PCDHGB3: variants seen among roughly 807,000 people sequenced by gnomAD.
PCDHGB3 encodes protocadherin gamma subfamily B, 3, also known as protocadherin gamma-B3.
PCDHGB3 carries 40 observed loss-of-function variants against 59.2 expected under a neutral mutation model. The ratio of observed to expected loss-of-function variants is 0.68; its 90% CI spans 0.52 to 0.88. The LOEUF (loss-of-function observed/expected upper bound fraction) is 0.88. PCDHGB3 is among the 40% of genes least tolerant of loss of function. The pLI, the probability that PCDHGB3 is intolerant of heterozygous loss-of-function variation, is 0.00. For missense variants in PCDHGB3, 1,309 were observed against 1,187.9 expected (o/e 1.10, Z -1.50); for synonymous variants, 581 against 503.6 (o/e 1.15, Z -2.06).
intron 1 of PCDHGB3, chr5:141,400,321 G>T (rs190006023): frequency 1.9e-6 from 3 of 1,614,064 alleles, no homozygotes; most frequent in East Asian, 2.2e-5. Context: ...TGTCAAGTCT[G>T]GACCTGTGGT....
Position 141,418,145 on chromosome 5 carries a change from T to C in PCDHGB3, c.2415+45336T>C, listed in dbSNP as rs1329322927. On this transcript the variant is annotated intron_variant, in intron 1 of 3. Coordinates refer to ENST00000576222, the MANE Select transcript of PCDHGB3 (RefSeq NM_018924.5). ...GGACCGAATAGACCGTGAGCAAATATGCAAAGAGAGAAGAAGATGTGAGTT... is the reference window on the plus strand; with the variant it reads ...GGACCGAATAGACCGTGAGCAAATACGCAAAGAGAGAAGAAGATGTGAGTT... The C allele has an allele frequency of 5.6e-6, 9 of 1,613,934 alleles. No homozygotes were observed. In the African/African-American group the frequency reaches 8.0e-5, roughly 14 times the overall value.
At chr5:141,401,079 C>T (rs1245954946) in intron 1 of PCDHGB3, among the ~76,000 whole-genome samples, 16 of 152,196 alleles carry the variant, frequency 1.1e-4, no homozygotes, top group Admixed American at 1.0e-3. Flanking sequence ...TGCAGTGGCT[C>T]ATGCCTGTAA....
At chr5:141,435,800 A>G (rs530461064) in intron 1 of PCDHGB3, among the ~76,000 whole-genome samples, 20 of 152,128 alleles carry the variant, frequency 1.3e-4, no homozygotes, top group Non-Finnish European at 2.6e-4. Flanking sequence ...ATAACGTCCC[A>G]ATTATTTTTT....
At chr5:141,465,047 T>C (rs2099095978) in intron 1 of PCDHGB3, among the ~76,000 whole-genome samples, 1 of 152,088 alleles carries the variant, frequency 6.6e-6, no homozygotes, top group Non-Finnish European at 1.5e-5. Context: ...TGACCCTATA[T>C]ATTTTTTTGA....
intron 2 of PCDHGB3, among the ~76,000 whole-genome samples, chr5:141,498,967 G>A (rs896386012): frequency 1.5e-5 from 2 of 129,584 alleles, no homozygotes. Context: ...GAGGGAGGGA[G>A]GGAGGGAAGG....
In PCDHGB3 at chr5:141,370,545, G is replaced by T. The variant is rs768607566; in HGVS notation, c.151G>T (p.Ala51Ser). The change falls in exon 1 of 4, where the codon GCC becomes TCC. Residue 51 changes from alanine (A) to serine (S), a missense_variant. Coordinates refer to ENST00000576222, the MANE Select transcript of PCDHGB3 (RefSeq NM_018924.5). ...LDRGSLVGNL[A>S]KDLGFGVGDL... ...CAGGGGCTCGCTGGTAGGGAACCTCGCCAAGGACCTGGGGTTTGGCGTGGG... is the reference window on the plus strand; with the variant it reads ...CAGGGGCTCGCTGGTAGGGAACCTCTCCAAGGACCTGGGGTTTGGCGTGGG... 6.2e-7 allele frequency: 1 copy of T among 1,613,866 alleles called. No homozygotes were observed. Among genetic ancestry groups the T allele is most frequent in the Non-Finnish European group, 8.5e-7 (1 of 1,179,876 alleles).
chr5:141,434,106 T>C (rs1195019110), intron 1 of PCDHGB3, among the ~76,000 whole-genome samples: 1 of 152,236 alleles, frequency 6.6e-6, no homozygotes, highest in Non-Finnish European at 1.5e-5. Context: ...TGTCCCAGGA[T>C]TGGCCTTTGG....
chr5:141,437,956 T>A (rs998689841), intron 1 of PCDHGB3, among the ~76,000 whole-genome samples: 6 of 152,178 alleles, frequency 3.9e-5, no homozygotes, highest in African/African-American at 1.4e-4. Context: ...CAGAATGGTC[T>A]TGATCTCTTG....
intron 1 of PCDHGB3, chr5:141,394,390 G>C (rs758609540): frequency 1.2e-6 from 2 of 1,614,100 alleles, no homozygotes; most frequent in Non-Finnish European, 1.7e-6. Context: ...GAGCAGATCC[G>C]AGACCTGCAG....
rs3763123 is a variant in PCDHGB3 at position 141,385,542 on chromosome 5, A to C, written c.2415+12733A>C. On this transcript the variant is annotated intron_variant, in intron 1 of 3. Coordinates refer to ENST00000576222, the MANE Select transcript of PCDHGB3 (RefSeq NM_018924.5). Reference sequence around the variant, plus strand: ...TATGGACAAGATTATGAATATGTGGACTATCACATTTTATAATTTCCACCT... The same window carrying C: ...TATGGACAAGATTATGAATATGTGGCCTATCACATTTTATAATTTCCACCT... 2.0e-3 allele frequency: 2,591 copies of C among 1,327,546 alleles called. 44 individuals carry two copies. The African/African-American group carries it at 0.033, about 17-fold the overall frequency. The allele number at this position is 1,327,546 out of a possible 1,614,324, so 82.2% of individuals were successfully genotyped here. A position where few individuals can be genotyped will look rare whatever the true frequency, so the allele number is the denominator to read the frequency against.
chr5:141,508,527 GCACC>G (rs2099869479), intron 3 of PCDHGB3, among the ~76,000 whole-genome samples: 1 of 152,104 alleles, frequency 6.6e-6, no homozygotes, highest in Non-Finnish European at 1.5e-5. Flanking sequence ...CAACCTCAGG[GCACC>G]CCCCACGAGG....
intron 1 of PCDHGB3, chr5:141,399,474 C>T (rs1282833757): frequency 6.2e-7 from 1 of 1,614,032 alleles, no homozygotes; most frequent in South Asian, 1.1e-5. Flanking sequence ...CGGTTTTCCA[C>T]CAGGCGTCCT....
intron 1 of PCDHGB3, chr5:141,415,641 TAAA>T: frequency 7.8e-7 from 1 of 1,280,840 alleles, no homozygotes; most frequent in African/African-American, 1.5e-5. Context: ...TTACTTTTGT[TAAA>T]AAAAAAAAGA....
intron 1 of PCDHGB3, chr5:141,374,248 G>A (rs1259243407): frequency 1.9e-6 from 3 of 1,613,890 alleles, no homozygotes. Context: ...TGGGACTGGA[G>A]CCCCAGGAGT....
At chr5:141,442,309 G>C (rs1483682583) in intron 1 of PCDHGB3, 1 of 152,418 alleles carries the variant, frequency 6.6e-6, no homozygotes, top group Non-Finnish European at 1.5e-5. Flanking sequence ...TCTTTCCCAC[G>C]GATGTCTATC....
chr5:141,511,598 A>C lies in PCDHGB3; in HGVS notation c.*425A>C. ...GGTTGGGGTGTTGAAGTACCAAGTA[A>C]CCTACAAGCCTCCTAGTTCTGAAAA... On this transcript the variant is annotated 3_prime_UTR_variant, in exon 4 of 4. Transcript: ENST00000576222. 3.9e-6 allele frequency: 1 copy of C among 255,742 alleles called. No individual in the cohort carries two copies. The highest frequency in any genetic ancestry group is 7.8e-6 in the Non-Finnish European group (1 of 127,952). The allele number at this position is 255,742 out of a possible 1,614,324, so 15.8% of individuals were successfully genotyped here.
At position 141,462,908 on chromosome 5, in the gene PCDHGB3, T is replaced by G. The variant is rs186061013; in HGVS notation, c.2416-31899T>G. ...AGTTTGTTTTGGAAGGCTATTATGT[T>G]TTTTGCAGATCAGGTTGATCTTTTC... On this transcript the variant is annotated intron_variant, in intron 1 of 3. Coordinates refer to ENST00000576222, the MANE Select transcript of PCDHGB3 (RefSeq NM_018924.5). Among the ~76,000 whole-genome samples the G allele has an allele frequency of 1.4e-4, 21 of 152,362 alleles. No individual in the cohort carries two copies. The East Asian group carries it at 3.5e-3, about 25-fold the overall frequency.
intron 1 of PCDHGB3, among the ~76,000 whole-genome samples, chr5:141,444,192 A>ATT: frequency 1.9e-5 from 1 of 52,730 alleles, no homozygotes; most frequent in African/African-American, 7.7e-5. Flanking sequence ...TTTTTTTGAG[A>ATT]TGGAGTTTCA....
intron 3 of PCDHGB3, chr5:141,508,275 T>G (rs1030431371): frequency 6.6e-6 from 1 of 152,138 alleles, no homozygotes. Context: ...ATCCCGGTCC[T>G]TGACCAAGGT....
Sources: gnomAD v4.1 joint callset for allele counts (sites outside exome capture counted in the v4.1 genomes callset) on GRCh38, gnomAD v4.1.1 for gene constraint, MANE v1.5 for transcripts, NCBI Gene and HGNC (gene_info 2026-07-23, HGNC 2026-07-21) for gene names.